Variants in ZNF521 observed in about 807,000 individuals in gnomAD.
ZNF521 encodes zinc finger protein 521.
In ZNF521, 14 loss-of-function variants were observed where a neutral mutation model predicts 105.5. That is an observed-to-expected ratio of 0.13 (90% CI 0.09 to 0.21). The LOEUF is 0.21. ZNF521 is among the 10% of genes least tolerant of loss of function. The probability of loss-of-function intolerance (pLI) is 1.00; values close to 1 mark genes in which losing one functional copy is unlikely to be tolerated. For missense variants in ZNF521, 1,233 were observed against 1,629.7 expected (o/e 0.76, Z 4.19); for synonymous variants, 635 against 606.0 (o/e 1.05, Z -0.70).
chr18:25,085,695 G>A (rs527326088), intron 7 of ZNF521, among the ~76,000 whole-genome samples: 317 of 149,750 alleles, frequency 2.1e-3, no homozygotes, highest in Non-Finnish European at 3.8e-3. Flanking sequence ...ATACATATAT[G>A]GTGGCAAGTA....
intron 2 of ZNF521, among the ~76,000 whole-genome samples, chr18:25,330,741 G>A (rs1913520245): frequency 6.6e-6 from 1 of 152,110 alleles, no homozygotes; most frequent in African/African-American, 2.4e-5. Context: ...ATCAGACAAA[G>A]TCAAAACACC....
At chr18:25,341,462 C>T (rs45456199) in intron 2 of ZNF521, among the ~76,000 whole-genome samples, 9,766 of 152,140 alleles carry the variant, frequency 0.064, 355 homozygotes, top group South Asian at 0.13. Context: ...CACCATTGCA[C>T]GATTAACTTT....
chr18:25,094,839 TATA>T (rs1187732182), intron 5 of ZNF521, among the ~76,000 whole-genome samples: 3 of 152,104 alleles, frequency 2.0e-5, no homozygotes, highest in South Asian at 2.1e-4. Context: ...AGGTCAAATG[TATA>T]ATGAGAAAGA....
chr18:25,224,505 G>A lies in ZNF521; in HGVS notation c.3413C>T (p.Thr1138Ile), dbSNP rs1241731366. 2.5e-6 allele frequency: 4 copies of A among 1,613,948 alleles called. No individual in the cohort carries two copies. The highest frequency in any genetic ancestry group is 1.3e-5 in the African/African-American group (1 of 74,884). Residue 1138 changes from threonine to isoleucine, a missense_variant, in exon 4 of 8, where the codon ACA (threonine) becomes ATA (isoleucine). Transcript: ENST00000361524. ...EGKGKVGGLK[T>I]RCSSCNVKFE... ...CTTAACGTTGCAGCTAGAGCAGCGT[G>A]TCTTCAGTCCCCCCACCTTGCCTTT... is the stretch of plus-strand genomic sequence containing the variant.
intron 5 of ZNF521, among the ~76,000 whole-genome samples, chr18:25,123,425 T>C (rs2034482358): frequency 6.6e-6 from 1 of 152,106 alleles, no homozygotes; most frequent in Non-Finnish European, 1.5e-5. Flanking sequence ...AATAATTCCG[T>C]GAAATAAGAT....
At chr18:25,166,157 A>G (rs117625171) in intron 5 of ZNF521, among the ~76,000 whole-genome samples, 394 of 152,320 alleles carry the variant, frequency 2.6e-3, no homozygotes, top group Non-Finnish European at 4.4e-3. Context: ...CTTTCTCAAC[A>G]CAATCTCTGC....
rs1023720081 is a variant in ZNF521 at position 25,225,340 on chromosome 18, T to G, written c.2578A>C (p.Thr860Pro). 2 of 1,614,208 alleles carry G rather than the reference T, an allele frequency of 1.2e-6. No homozygotes were observed. Among genetic ancestry groups the G allele is most frequent in the Non-Finnish European group, 8.5e-7 (1 of 1,180,028 alleles). Residue 860 changes from threonine (T) to proline (P), a missense_variant, in exon 4 of 8, where the codon ACT becomes CCT. Thr to Pro is a conservative substitution (Grantham distance 38, BLOSUM62 -1). Coordinates refer to ENST00000361524, the MANE Select transcript of ZNF521 (RefSeq NM_015461.3). The surrounding 1 kb of genome is among the most constrained non-coding windows in gnomAD (Gnocchi z 5.6). ...QVQKEEVELQ[T>P]LLTNSQESHN... ...GACTCCTGGCTGTTGGTCAGCAAAGTCTGCAGCTCCACTTCCTCTTTCTGC... is the reference window on the plus strand; with the variant it reads ...GACTCCTGGCTGTTGGTCAGCAAAGGCTGCAGCTCCACTTCCTCTTTCTGC...
intron 3 of ZNF521, among the ~76,000 whole-genome samples, chr18:25,288,376 C>T (rs896484631): frequency 2.0e-5 from 3 of 152,106 alleles, no homozygotes; most frequent in Non-Finnish European, 4.4e-5. Flanking sequence ...CCTCATCTTC[C>T]CCAGCAAACT....
chr18:25,232,183 G>C (rs1906579301), intron 3 of ZNF521, among the ~76,000 whole-genome samples: 1 of 152,184 alleles, frequency 6.6e-6, no homozygotes, highest in Non-Finnish European at 1.5e-5. Flanking sequence ...AGATCCTGGA[G>C]TTTTATTTCT....
intron 5 of ZNF521, among the ~76,000 whole-genome samples, chr18:25,141,000 T>G (rs1299869060): frequency 1.3e-5 from 2 of 152,186 alleles, no homozygotes; most frequent in Non-Finnish European, 2.9e-5. Context: ...CCAAAGGCAC[T>G]CTCGCTTCTT....
intron 5 of ZNF521, among the ~76,000 whole-genome samples, chr18:25,186,749 A>G (rs2035728672): frequency 6.6e-6 from 1 of 152,168 alleles, no homozygotes; most frequent in Non-Finnish European, 1.5e-5. Flanking sequence ...CTCTTAAAAT[A>G]TAAAGCCAAT....
chr18:25,331,463 G>C (rs1001076752), intron 2 of ZNF521, among the ~76,000 whole-genome samples: 4 of 152,114 alleles, frequency 2.6e-5, no homozygotes, highest in Non-Finnish European at 5.9e-5. Flanking sequence ...TTGAACCTAG[G>C]ATTTAGACAT....
At chr18:25,209,968 T>G (rs2036149767) in intron 4 of ZNF521, among the ~76,000 whole-genome samples, 2 of 152,220 alleles carry the variant, frequency 1.3e-5, no homozygotes, top group South Asian at 4.1e-4. Flanking sequence ...TGTGGAAATA[T>G]GATTCCTCAT....
chr18:25,227,636 C>A lies in ZNF521; in HGVS notation c.282G>T (p.Lys94Asn), dbSNP rs1292916288. The change falls in exon 4 of 8, where the codon AAG becomes AAT. Residue 94 changes from lysine (K) to asparagine (N), a missense_variant. Physicochemically the swap from Lys to Asn is moderately conservative, Grantham distance 94. This residue lies in a region of ZNF521 where 85 missense variants were observed against 162.2 expected (regional missense o/e 0.52). Transcript: ENST00000361524. This position sits in a 1 kb window ranked among gnomAD's most constrained non-coding sequence, Gnocchi z 5.7. ...CTCCATGGCTAGGGGAAGTCTGATCCTTGCTAGAAGGTGAGGAAGCTGGCC... is the reference window on the plus strand; with the variant it reads ...CTCCATGGCTAGGGGAAGTCTGATCATTGCTAGAAGGTGAGGAAGCTGGCC... Reference protein sequence around the residue: ...CSWPASSPSSKDQTSPSHGEG... With the variant: ...CSWPASSPSSNDQTSPSHGEG... The A allele has an allele frequency of 1.9e-6, 3 of 1,613,952 alleles. No homozygotes were observed. In the African/African-American group the frequency reaches 4.0e-5, roughly 22 times the overall value.
At chr18:25,186,265 T>C (rs565195758) in intron 5 of ZNF521, among the ~76,000 whole-genome samples, 5 of 152,320 alleles carry the variant, frequency 3.3e-5, no homozygotes, top group Admixed American at 2.6e-4. Context: ...ATCTGAAATA[T>C]TAAGACATAA....
intron 5 of ZNF521, among the ~76,000 whole-genome samples, chr18:25,163,764 T>C (rs1346721183): frequency 6.6e-6 from 1 of 152,216 alleles, no homozygotes; most frequent in African/African-American, 2.4e-5. Context: ...ATTGCTGTGT[T>C]GCAGGTATGG....
intron 4 of ZNF521, chr18:25,224,123 G>C: frequency 1.8e-6 from 1 of 545,338 alleles, no homozygotes; most frequent in Non-Finnish European, 3.3e-6. Flanking sequence ...ATCCTAGGGA[G>C]ACTGGAATTA....
At chr18:25,116,963 GTA>G (rs1271291471) in intron 5 of ZNF521, among the ~76,000 whole-genome samples, 1 of 85,760 alleles carries the variant, frequency 1.2e-5, no homozygotes. Context: ...ATGTATATAT[GTA>G]TATATATGTA....
rs1175859497 is a variant in ZNF521, at chr18:25,179,116, C to CTTTTTTTTTTTTTTTTTTT, written c.3658+16025_3658+16043dup. Among the ~76,000 whole-genome samples, 33 of 52,482 alleles carry CTTTTTTTTTTTTTTTTTTT rather than the reference C, an allele frequency of 6.3e-4. 7 individuals are homozygous for CTTTTTTTTTTTTTTTTTTT. Among genetic ancestry groups the CTTTTTTTTTTTTTTTTTTT allele is most frequent in the Admixed American group, 9.7e-4 (3 of 3,098 alleles). 34.4% of individuals were successfully genotyped at this position (52,482 alleles called of 152,430 possible). ...GACTTATACTTCTTTTTCTTTATTC[C>CTTTTTTTTTTTTTTTTTTT]TTTTTTTTTTTTTTTTTTTTTTTTT... On this transcript the variant is annotated intron_variant, in intron 5 of 7. Coordinates refer to ENST00000361524, the MANE Select transcript of ZNF521 (RefSeq NM_015461.3).
Sources: gnomAD v4.1 joint callset for allele counts (sites outside exome capture counted in the v4.1 genomes callset) on GRCh38, gnomAD v4.1.1 for gene constraint, gnomAD v4.1.1 regional missense constraint, Gnocchi (gnomAD v3.1) non-coding constraint, MANE v1.5 for transcripts, NCBI Gene and HGNC (gene_info 2026-07-23, HGNC 2026-07-21) for gene names.